The following TES variants were observed in gnomAD, a reference collection of about 807,000 sequenced individuals.
The protein encoded by TES is testin.
A neutral mutation model predicts 48.2 loss-of-function variants in TES; 41 were observed. The observed-to-expected ratio is 0.85, with a 90% CI of 0.66 to 1.10. The LOEUF is 1.10. TES is among the 50% of genes least tolerant of loss of function. The pLI, the probability that TES is intolerant of heterozygous loss-of-function variation, is 0.00. For synonymous variants in TES, 162 were observed against 174.9 expected, an observed-to-expected ratio of 0.93 and a Z score of 0.58; for missense variants, 463 against 515.1, an observed-to-expected ratio of 0.90 and a Z score of 0.98.
At chr7:116,247,450 A>G (rs1405990270) in intron 2 of TES, among the ~76,000 whole-genome samples, 1 of 152,136 alleles carries the variant, frequency 6.6e-6, no homozygotes, top group Non-Finnish European at 1.5e-5. Context: ...GTGACAGCAT[A>G]AGGAATATCA....
intron 2 of TES, among the ~76,000 whole-genome samples, chr7:116,243,056 T>C (rs948086799): frequency 1.3e-5 from 2 of 152,222 alleles, no homozygotes; most frequent in African/African-American, 2.4e-5. Flanking sequence ...TCTGCTATTC[T>C]CTTTATTTTC....
intron 1 of TES, among the ~76,000 whole-genome samples, chr7:116,216,408 C>G (rs1291214588): frequency 1.3e-5 from 2 of 151,918 alleles, no homozygotes; most frequent in Admixed American, 1.3e-4. Context: ...AGATCCGAGT[C>G]CACTATTTTT....
chr7:116,234,992 T>C (rs1370112505), intron 2 of TES, among the ~76,000 whole-genome samples: 1 of 152,240 alleles, frequency 6.6e-6, no homozygotes, highest in African/African-American at 2.4e-5. Flanking sequence ...TCACCTAGAC[T>C]GGAGTGCAGT....
chr7:116,237,481 T>C (rs1234765041), intron 2 of TES, among the ~76,000 whole-genome samples: 1 of 152,026 alleles, frequency 6.6e-6, no homozygotes, highest in Non-Finnish European at 1.5e-5. Context: ...CTCTTCCACT[T>C]CCCTTCCAAG....
Position 116,251,992 on chromosome 7 carries a change from C to T in TES, c.918+17C>T, listed in dbSNP as rs779667888. 6.2e-7 allele frequency: 1 copy of T among 1,612,664 alleles called. No individual in the cohort carries two copies. The highest frequency in any genetic ancestry group is 8.5e-7 in the Non-Finnish European group (1 of 1,178,674). On this transcript the variant is annotated intron_variant, in intron 5 of 6. Coordinates refer to ENST00000358204, the MANE Select transcript of TES (RefSeq NM_015641.4). ...TGTGACGAGGTATGTTCTATGGGAC[C>T]ACCGGCATGCTGGTGCCCTCTTAGA...
intron 1 of TES, among the ~76,000 whole-genome samples, chr7:116,230,911 G>A (rs1036328014): frequency 3.3e-5 from 5 of 152,146 alleles, no homozygotes; most frequent in African/African-American, 9.7e-5. Context: ...CTCCTTCAGC[G>A]AAGCTTCCCC....
intron 1 of TES, among the ~76,000 whole-genome samples, chr7:116,228,249 T>C (rs762176490): frequency 1.3e-5 from 2 of 152,188 alleles, no homozygotes; most frequent in Admixed American, 6.6e-5. Context: ...TAAGACCTAT[T>C]TGTCTATGAT....
In TES at chr7:116,234,546, C is replaced by A; in HGVS notation, c.40C>A (p.His14Asn). Reference protein sequence around the residue: ...ENKVKKMGLGHEQGFGAPCLK... With the variant: ...ENKVKKMGLGNEQGFGAPCLK... ...TTCTTTTTAACAGATGGGCTTAGGTCACGAGCAAGGATTTGGAGCCCCTTG... is the reference window on the plus strand; with the variant it reads ...TTCTTTTTAACAGATGGGCTTAGGTAACGAGCAAGGATTTGGAGCCCCTTG... The change falls in exon 2 of 7, where the codon CAC becomes AAC. Residue 14 changes from histidine to asparagine, a missense_variant. Physicochemically the swap from His to Asn is moderately conservative, Grantham distance 68 (BLOSUM62 1). Coordinates refer to ENST00000358204, the MANE Select transcript of TES (RefSeq NM_015641.4). 1 of 1,613,698 alleles carries A rather than the reference C, an allele frequency of 6.2e-7. No homozygotes were observed. The highest frequency in any genetic ancestry group is 1.1e-5 in the South Asian group (1 of 91,050).
At position 116,249,073 on chromosome 7, in the gene TES, G is replaced by A. The variant is rs1485783253; in HGVS notation, c.167G>A (p.Ser56Asn). Reference sequence around the variant, plus strand: ...CAAGAAGAGCATGATGTCCTCTTGAGCAATGAAGAGGATCGAAAAGTGGGA... The same window carrying A: ...CAAGAAGAGCATGATGTCCTCTTGAACAATGAAGAGGATCGAAAAGTGGGA... Reference protein sequence around the residue: ...CGQEEHDVLLSNEEDRKVGKL... With the variant: ...CGQEEHDVLLNNEEDRKVGKL... Residue 56 changes from serine (S) to asparagine (N), a missense_variant, in exon 3 of 7, where the codon AGC becomes AAC. Coordinates refer to ENST00000358204, the MANE Select transcript of TES (RefSeq NM_015641.4). The A allele has an allele frequency of 6.2e-7, 1 of 1,613,886 alleles. No individual in the cohort carries two copies. The highest frequency in any genetic ancestry group is 1.1e-5 in the South Asian group (1 of 91,062).
chr7:116,214,487 A>T (rs1563003795), intron 1 of TES, among the ~76,000 whole-genome samples: 1 of 152,172 alleles, frequency 6.6e-6, no homozygotes, highest in African/African-American at 2.4e-5. Context: ...AGGGCAAGGC[A>T]CATCCAGGGC....
intron 1 of TES, among the ~76,000 whole-genome samples, chr7:116,216,961 A>C (rs1005614288): frequency 6.6e-6 from 1 of 152,134 alleles, no homozygotes; most frequent in Non-Finnish European, 1.5e-5. Context: ...TTAAAAAAAA[A>C]CTATATGAGT....
At position 116,257,399 on chromosome 7, in the gene TES, A is replaced by G. The variant is rs1800117222; in HGVS notation, c.1183A>G (p.Ser395Gly). 6.2e-7 allele frequency: 1 copy of G among 1,614,124 alleles called. No homozygotes were observed. The highest frequency in any genetic ancestry group is 8.5e-7 in the Non-Finnish European group (1 of 1,180,004). Residue 395 changes from serine to glycine, a missense_variant, in exon 7 of 7, where the codon AGC becomes GGC. Coordinates refer to ENST00000358204, the MANE Select transcript of TES (RefSeq NM_015641.4). Reference protein sequence around the residue: ...STECFLCSCCSKCLIGQKFMP... With the variant: ...STECFLCSCCGKCLIGQKFMP... ...AGAGTGCTTTCTGTGCTCTTGCTGCAGCAAATGCCTCATTGGGCAGAAGTT... is the reference window on the plus strand; with the variant it reads ...AGAGTGCTTTCTGTGCTCTTGCTGCGGCAAATGCCTCATTGGGCAGAAGTT...
At chr7:116,232,806 T>C (rs532074990) in intron 1 of TES, among the ~76,000 whole-genome samples, 5 of 152,360 alleles carry the variant, frequency 3.3e-5, no homozygotes, top group African/African-American at 1.2e-4. Context: ...AATATGGACA[T>C]GGCAAAGATG....
chr7:116,244,596 T>A (rs1017618668), intron 2 of TES, among the ~76,000 whole-genome samples: 10 of 152,256 alleles, frequency 6.6e-5, no homozygotes, highest in African/African-American at 2.4e-4. Context: ...TGGCATTGAG[T>A]GCCTGCAGCT....
chr7:116,233,216 G>A (rs1799723325), intron 1 of TES, among the ~76,000 whole-genome samples: 1 of 152,172 alleles, frequency 6.6e-6, no homozygotes, highest in Non-Finnish European at 1.5e-5. Flanking sequence ...CTGATTACTG[G>A]TGGTTTGCCA....
chr7:116,242,699 T>C (rs1799866341), intron 2 of TES, among the ~76,000 whole-genome samples: 1 of 152,232 alleles, frequency 6.6e-6, no homozygotes. Flanking sequence ...TTTCTGTTTC[T>C]GATGTAGATA....
intron 2 of TES, among the ~76,000 whole-genome samples, chr7:116,237,324 A>G (rs1297139577): frequency 6.6e-6 from 1 of 152,180 alleles, no homozygotes; most frequent in Non-Finnish European, 1.5e-5. Context: ...TCACACAATC[A>G]CAAGAATGGT....
chr7:116,247,512 C>CT (rs575518328), intron 2 of TES, among the ~76,000 whole-genome samples: 14 of 149,586 alleles, frequency 9.4e-5, no homozygotes, highest in Admixed American at 2.0e-4. Context: ...TTTAATCAGT[C>CT]TTTTTTTTTA....
chr7:116,252,958 T>G (rs2116631671), intron 6 of TES, among the ~76,000 whole-genome samples: 1 of 152,266 alleles, frequency 6.6e-6, no homozygotes, highest in East Asian at 1.9e-4. Flanking sequence ...ATAACAAAAC[T>G]TGGCCTGCGT....
Sources: gnomAD v4.1 joint callset for allele counts (sites outside exome capture counted in the v4.1 genomes callset) on GRCh38, gnomAD v4.1.1 for gene constraint, MANE v1.5 for transcripts, NCBI Gene and HGNC (gene_info 2026-07-23, HGNC 2026-07-21) for gene names.